LMTK2: variants seen among roughly 807,000 people sequenced by gnomAD.
The protein encoded by LMTK2 is lemur tail kinase 2, also known as serine/threonine-protein kinase LMTK2.
A neutral mutation model predicts 127.5 loss-of-function variants in LMTK2; 37 were observed. The observed-to-expected ratio is 0.29, with a 90% confidence interval of 0.22 to 0.38. The LOEUF is 0.38. Ranked by LOEUF, LMTK2 falls within the 10% of genes least tolerant of loss-of-function variation. The pLI, the probability that LMTK2 is intolerant of heterozygous loss-of-function variation, is 1.00. For missense variants in LMTK2, 1,694 were observed against 1,920.3 expected (o/e 0.88, Z 2.20); for synonymous variants, 819 against 810.1 (o/e 1.01, Z -0.19).
chr7:98,132,699 GACA>G (rs2116350800), intron 1 of LMTK2, among the ~76,000 whole-genome samples: 1 of 152,236 alleles, frequency 6.6e-6, no homozygotes, highest in African/African-American at 2.4e-5. Context: ...AACAAGGAAT[GACA>G]ACATTAGGAT....
At chr7:98,202,118 GT>G (rs939461947) in intron 11 of LMTK2, among the ~76,000 whole-genome samples, 30 of 149,512 alleles carry the variant, frequency 2.0e-4, no homozygotes, top group Admixed American at 1.0e-3. Flanking sequence ...CTTCCTCCAG[GT>G]TTTTTTTTTC....
intron 1 of LMTK2, among the ~76,000 whole-genome samples, chr7:98,110,020 G>A (rs1796178084): frequency 6.6e-6 from 1 of 152,174 alleles, no homozygotes; most frequent in Non-Finnish European, 1.5e-5. Context: ...CTAGGAGCCT[G>A]CACTCCTTGT....
At chr7:98,110,382 T>C (rs999045942) in intron 1 of LMTK2, among the ~76,000 whole-genome samples, 2 of 152,158 alleles carry the variant, frequency 1.3e-5, no homozygotes, top group Non-Finnish European at 2.9e-5. Context: ...TTTTGCCCCC[T>C]ACGCCCGCCC....
At chr7:98,175,009 A>G (rs1041876104) in intron 7 of LMTK2, among the ~76,000 whole-genome samples, 35 of 152,058 alleles carry the variant, frequency 2.3e-4, no homozygotes, top group African/African-American at 8.5e-4. Context: ...CGTCAGGGCC[A>G]CCCCACGTGC....
intron 1 of LMTK2, among the ~76,000 whole-genome samples, chr7:98,116,925 C>G (rs908817791): frequency 6.6e-6 from 1 of 152,218 alleles, no homozygotes; most frequent in African/African-American, 2.4e-5. Context: ...TGGGATTTGT[C>G]TGATGTTTTT....
intron 11 of LMTK2, among the ~76,000 whole-genome samples, chr7:98,199,282 C>T (rs1797674542): frequency 6.6e-6 from 1 of 152,062 alleles, no homozygotes. Context: ...CATACTTGTT[C>T]TATTACTCAG....
intron 1 of LMTK2, among the ~76,000 whole-genome samples, chr7:98,119,227 C>T (rs1221367957): frequency 6.6e-6 from 1 of 152,202 alleles, no homozygotes; most frequent in African/African-American, 2.4e-5. Flanking sequence ...CCCTCACTGC[C>T]ACAACACACA....
At chr7:98,166,558 G>A (rs1797104511) in intron 6 of LMTK2, among the ~76,000 whole-genome samples, 1 of 152,146 alleles carries the variant, frequency 6.6e-6, no homozygotes, top group Non-Finnish European at 1.5e-5. Context: ...GTTACAGTAA[G>A]CTAAGGTATA....
At position 98,184,876 on chromosome 7, in the gene LMTK2, G is replaced by A. The variant is rs73710386; in HGVS notation, c.792-175G>A. On this transcript the variant is annotated intron_variant, in intron 7 of 13. Coordinates refer to ENST00000297293, the MANE Select transcript of LMTK2 (RefSeq NM_014916.4). ...GATCATCTTTATTATTTAAGTGATT[G>A]ATGACATATGTAATACTTCTACTAT... 9.5e-4 allele frequency among the ~76,000 whole-genome samples: 144 copies of A among 152,288 alleles called. 1 individual carries two copies. Among genetic ancestry groups the A allele is most frequent in the African/African-American group, 3.3e-3 (137 of 41,558 alleles).
intron 1 of LMTK2, among the ~76,000 whole-genome samples, chr7:98,125,700 C>T (rs1290370172): frequency 1.3e-5 from 2 of 152,164 alleles, no homozygotes; most frequent in Admixed American, 6.5e-5. Context: ...GACATAAAGA[C>T]AACAGTTGAA....
At chr7:98,184,649 T>C (rs1320242282) in intron 7 of LMTK2, among the ~76,000 whole-genome samples, 1 of 152,156 alleles carries the variant, frequency 6.6e-6, no homozygotes, top group Non-Finnish European at 1.5e-5. Context: ...CTGACCACCT[T>C]GGACACATGT....
intron 4 of LMTK2, among the ~76,000 whole-genome samples, chr7:98,152,086 T>G (rs1378254226): frequency 6.6e-6 from 1 of 152,218 alleles, no homozygotes; most frequent in Non-Finnish European, 1.5e-5. Context: ...CTTCTCAGGT[T>G]AGATTGTTTT....
rs1431786499 is a variant in LMTK2, at chr7:98,107,224, T to C, written c.47T>C (p.Leu16Pro). The change falls in exon 1 of 14, where the codon CTG becomes CCG. Residue 16 changes from leucine (L) to proline (P), a missense_variant. Physicochemically the swap from Leu to Pro is moderately conservative, Grantham distance 98 (BLOSUM62 -3). Coordinates refer to ENST00000297293, the MANE Select transcript of LMTK2 (RefSeq NM_014916.4). Reference sequence around the variant, plus strand: ...CGGCGGAGGCTGCTGCTGCTGCTGCTGGTCCTCCTGATCGCCGGCAGTGCT... The same window carrying C: ...CGGCGGAGGCTGCTGCTGCTGCTGCCGGTCCTCCTGATCGCCGGCAGTGCT... The part of the protein sequence containing the change: ...ALRRRLLLLL[L>P]VLLIAGSAGA... 1 of 1,463,064 alleles carries C rather than the reference T, an allele frequency of 6.8e-7. No homozygotes were observed. The highest frequency in any genetic ancestry group is 2.5e-5 in the Admixed American group (1 of 39,824). The allele number at this position is 1,463,064 out of a possible 1,614,324, so 90.6% of individuals were successfully genotyped here. A position where few individuals can be genotyped will look rare whatever the true frequency, so the allele number is the denominator to read the frequency against.
intron 8 of LMTK2, among the ~76,000 whole-genome samples, chr7:98,186,239 T>A (rs1036444640): frequency 6.6e-6 from 1 of 152,120 alleles, no homozygotes; most frequent in African/African-American, 2.4e-5. Context: ...AATTTTTGTA[T>A]TTTTAGTGGA....
Position 98,192,925 on chromosome 7 carries a change from C to T in LMTK2, c.2460C>T (p.Phe820=), listed in dbSNP as rs777047647. 1.1e-5 allele frequency: 18 copies of T among 1,613,988 alleles called. No individual in the cohort carries two copies. Among genetic ancestry groups the T allele is most frequent in the Admixed American group, 3.3e-5 (2 of 59,996 alleles). ...SPEVQVPPTS[F]ETEETPRRVP... Reference sequence around the variant, plus strand: ...AAGTGCAGGTACCTCCTACCTCCTTCGAAACAGAAGAAACGCCCCGTCGGG... The same window carrying T: ...AAGTGCAGGTACCTCCTACCTCCTTTGAAACAGAAGAAACGCCCCGTCGGG... The change falls in exon 11 of 14, where the codon TTC becomes TTT. Residue 820 remains phenylalanine, a synonymous_variant. Coordinates refer to ENST00000297293, the MANE Select transcript of LMTK2 (RefSeq NM_014916.4).
In LMTK2 at chr7:98,204,113, G is replaced by T. The variant is rs760334384; in HGVS notation, c.4410G>T (p.Arg1470=). 1 of 1,612,712 alleles carries T rather than the reference G, an allele frequency of 6.2e-7. No homozygotes were observed. The highest frequency in any genetic ancestry group is 8.5e-7 in the Non-Finnish European group (1 of 1,180,010). The part of the protein sequence containing the change: ...QSWPHSAPYS[R]FSISPANIAS... Reference sequence around the variant, plus strand: ...GGCCGCACTCGGCGCCTTACTCCCGGTTCTCCATCTCTCCCGCCAACATTG... The same window carrying T: ...GGCCGCACTCGGCGCCTTACTCCCGTTTCTCCATCTCTCCCGCCAACATTG... The change falls in exon 13 of 14, where the codon CGG becomes CGT. Residue 1470 remains arginine (R), a synonymous_variant. Transcript: ENST00000297293.
chr7:98,137,483 T>A (rs1358572382), intron 2 of LMTK2, 41 bp downstream of exon 2: 1 of 1,583,712 alleles, frequency 6.3e-7, no homozygotes, highest in South Asian at 1.2e-5. Flanking sequence ...GGTCTTCCAA[T>A]ATGTTTTTCA....
intron 12 of LMTK2, 39 bp from the exon 13 acceptor site, chr7:98,203,905 C>G: frequency 6.2e-7 from 1 of 1,608,462 alleles, no homozygotes; most frequent in South Asian, 1.1e-5. Flanking sequence ...CCTCATCACG[C>G]AGTGATAAAA....
chr7:98,205,472 G>A lies in LMTK2; in HGVS notation c.4492G>A (p.Glu1498Lys), dbSNP rs749574020. ...TCCTCTCTCCTCAACAGGAAGCAGCGAAGACGGAGAAAAGGACTAGGTGGC... is the reference window on the plus strand; with the variant it reads ...TCCTCTCTCCTCAACAGGAAGCAGCAAAGACGGAGAAAAGGACTAGGTGGC... ...DSDIEQGGSS[E>K]DGEKD Residue 1498 changes from glutamate (E) to lysine (K), a missense_variant, in exon 14 of 14, where the codon GAA (glutamate) becomes AAA (lysine). Physicochemically the swap from Glu to Lys is moderately conservative, Grantham distance 56. Coordinates refer to ENST00000297293, the MANE Select transcript of LMTK2 (RefSeq NM_014916.4). 3.1e-6 allele frequency: 5 copies of A among 1,613,486 alleles called. No individual in the cohort carries two copies. The highest frequency in any genetic ancestry group is 2.2e-5 in the South Asian group (2 of 91,084).
Sources: allele counts gnomAD v4.1 joint callset (sites outside exome capture counted in the v4.1 genomes callset), GRCh38; gene constraint gnomAD v4.1.1; transcripts MANE v1.5; gene names NCBI Gene and HGNC (gene_info 2026-07-23, HGNC 2026-07-21).